Variants in SNX29 observed in about 807,000 individuals in gnomAD.
SNX29 encodes the protein sorting nexin 29, also known as sorting nexin-29.
In SNX29, 78 loss-of-function variants were observed where a neutral mutation model predicts 102.1. The ratio of observed to expected loss-of-function variants is 0.76; its 90% CI spans 0.64 to 0.92. The LOEUF is 0.92. Ranked by LOEUF, SNX29 falls within the 40% of genes least tolerant of loss-of-function variation. The probability of loss-of-function intolerance (pLI) is 0.00; values close to 1 mark genes in which losing one functional copy is unlikely to be tolerated. For missense variants in SNX29, 1,280 were observed against 1,061.7 expected (o/e 1.21, Z -2.86); for synonymous variants, 580 against 414.5 (o/e 1.40, Z -4.85).
chr16:11,995,269 T>A (rs2056021107), intron 1 of SNX29, among the ~76,000 whole-genome samples: 2 of 152,298 alleles, frequency 1.3e-5, no homozygotes, highest in African/African-American at 4.8e-5. Flanking sequence ...TTTTGCCATG[T>A]TGGCCAGGCT....
intron 14 of SNX29, among the ~76,000 whole-genome samples, chr16:12,252,709 G>A (rs567075047): frequency 6.6e-6 from 1 of 152,314 alleles, no homozygotes; most frequent in Non-Finnish European, 1.5e-5. Flanking sequence ...CGGTGCCGAG[G>A]TGCCTGGTGC....
chr16:12,558,115 A>T lies in SNX29; in HGVS notation c.2319-10391A>T, dbSNP rs2078486054. On this transcript the variant is annotated intron_variant, in intron 20 of 20. Coordinates refer to ENST00000566228, the MANE Select transcript of SNX29 (RefSeq NM_032167.5). ...TGGGGACGGGGCAACTGAGAATTAGAAGACCAGCAGCATTCAGGGATAATC... is the reference window on the plus strand; with the variant it reads ...TGGGGACGGGGCAACTGAGAATTAGTAGACCAGCAGCATTCAGGGATAATC... Among the ~76,000 whole-genome samples the T allele has an allele frequency of 2.0e-5, 3 of 152,198 alleles. No individual in the cohort carries two copies. In the South Asian group the frequency reaches 6.2e-4, roughly 31 times the overall value.
intron 14 of SNX29, among the ~76,000 whole-genome samples, chr16:12,220,251 T>G (rs1025087054): frequency 6.6e-6 from 1 of 150,834 alleles, no homozygotes; most frequent in South Asian, 2.1e-4. Context: ...TCACTTTTTG[T>G]GTTGGTTCTG....
intron 4 of SNX29, among the ~76,000 whole-genome samples, chr16:12,040,894 A>C (rs1377792876): frequency 2.0e-5 from 3 of 152,076 alleles, no homozygotes; most frequent in Non-Finnish European, 2.9e-5. Flanking sequence ...GCTCTCTGCA[A>C]CCTCCGTCTC....
intron 20 of SNX29, among the ~76,000 whole-genome samples, chr16:12,537,002 T>G (rs1487812752): frequency 6.6e-6 from 1 of 152,094 alleles, no homozygotes; most frequent in South Asian, 2.1e-4. Context: ...TAAAAAGAGT[T>G]GTTCAGGGCA....
chr16:12,539,978 T>G (rs1391012297), intron 20 of SNX29, among the ~76,000 whole-genome samples: 1 of 152,160 alleles, frequency 6.6e-6, no homozygotes, highest in Non-Finnish European at 1.5e-5. Context: ...ACATATTTTC[T>G]TCTAGTCTTC....
chr16:12,078,223 C>G (rs2051677548), intron 10 of SNX29, among the ~76,000 whole-genome samples: 1 of 151,694 alleles, frequency 6.6e-6, no homozygotes, highest in Non-Finnish European at 1.5e-5. Context: ...GCCTGTAATC[C>G]CAGCACTTTG....
intron 20 of SNX29, among the ~76,000 whole-genome samples, chr16:12,555,605 T>A (rs3135011): frequency 0.21 from 32,169 of 151,792 alleles, 3,547 homozygotes; most frequent in East Asian, 0.43. Flanking sequence ...GCAGCTGCCC[T>A]TAGTCCAGTG....
intron 4 of SNX29, among the ~76,000 whole-genome samples, chr16:12,036,635 G>T (rs1477171773): frequency 4.5e-5 from 6 of 134,162 alleles, no homozygotes; most frequent in Admixed American, 7.6e-5. Context: ...CGCCCAGCGG[G>T]TTTTCTGTTT....
chr16:12,449,772 G>A (rs1279419977), intron 18 of SNX29, among the ~76,000 whole-genome samples: 2 of 152,212 alleles, frequency 1.3e-5, no homozygotes, highest in African/African-American at 4.8e-5. Context: ...TGCAACTCCA[G>A]TGAACTTTCC....
chr16:12,327,146 T>C (rs1246640321), intron 15 of SNX29, among the ~76,000 whole-genome samples: 1 of 151,868 alleles, frequency 6.6e-6, no homozygotes, highest in African/African-American at 2.4e-5. Context: ...AATAAAACAG[T>C]CCCCCTGGCT....
chr16:12,547,140 G>A (rs556545047), intron 20 of SNX29, among the ~76,000 whole-genome samples: 19 of 152,356 alleles, frequency 1.2e-4, no homozygotes, highest in African/African-American at 4.3e-4. Context: ...CATCACAGAG[G>A]GAAAGAAGCC....
intron 18 of SNX29, among the ~76,000 whole-genome samples, chr16:12,430,323 G>C (rs1012687647): frequency 1.3e-5 from 2 of 152,234 alleles, no homozygotes; most frequent in African/African-American, 4.8e-5. Context: ...ACCCAACTTG[G>C]AGGGTGGTTG....
chr16:12,347,961 C>G (rs1292247056), intron 15 of SNX29, among the ~76,000 whole-genome samples: 1 of 151,496 alleles, frequency 6.6e-6, no homozygotes, highest in Admixed American at 6.6e-5. Flanking sequence ...TGGCTGTAGT[C>G]CCAGCTACTT....
intron 14 of SNX29, among the ~76,000 whole-genome samples, chr16:12,255,150 A>G (rs2078532449): frequency 6.6e-6 from 1 of 152,078 alleles, no homozygotes; most frequent in Non-Finnish European, 1.5e-5. Flanking sequence ...TGGTGTTGAG[A>G]CCATTTAGGA....
At chr16:12,518,980 T>C (rs530333002) in intron 19 of SNX29, among the ~76,000 whole-genome samples, 2 of 152,032 alleles carry the variant, frequency 1.3e-5, no homozygotes, top group South Asian at 4.2e-4. Flanking sequence ...GTGCAAGGGG[T>C]ATAAATCAGG....
chr16:12,202,391 C>A (rs2076934939), intron 14 of SNX29, among the ~76,000 whole-genome samples: 1 of 152,076 alleles, frequency 6.6e-6, no homozygotes, highest in Admixed American at 6.5e-5. Context: ...GGTTATTTGC[C>A]TCTCAAGTGC....
intron 14 of SNX29, among the ~76,000 whole-genome samples, chr16:12,219,589 T>C (rs781718504): frequency 3.3e-5 from 5 of 152,386 alleles, no homozygotes; most frequent in Middle Eastern, 3.4e-3. Context: ...AGTTTGATGT[T>C]CTTGTCTGTT....
At chr16:12,108,333 C>T (rs2053353809) in intron 11 of SNX29, among the ~76,000 whole-genome samples, 1 of 152,176 alleles carries the variant, frequency 6.6e-6, no homozygotes, top group Admixed American at 6.5e-5. Flanking sequence ...AGTTCCATGC[C>T]AGGCCAGGGG....
Sources: allele counts gnomAD v4.1 joint callset (sites outside exome capture counted in the v4.1 genomes callset), GRCh38; gene constraint gnomAD v4.1.1; transcripts MANE v1.5; gene names NCBI Gene and HGNC (gene_info 2026-07-23, HGNC 2026-07-21).